The following FOXF2 variants were observed in gnomAD, a reference collection of about 807,000 sequenced individuals.
FOXF2 encodes forkhead box F2.
A neutral mutation model predicts 29.1 loss-of-function variants in FOXF2; 15 were observed. That is an observed-to-expected ratio of 0.52 (90% CI 0.35 to 0.79). The LOEUF is 0.79. FOXF2 is among the 30% of genes least tolerant of loss of function. The pLI, the probability that FOXF2 is intolerant of heterozygous loss-of-function variation, is 0.01. For missense variants in FOXF2, 675 were observed against 667.1 expected (o/e 1.01, Z -0.13); for synonymous variants, 337 against 316.5 (o/e 1.06, Z -0.69).
chr6:1,389,908 G>A lies in FOXF2; in HGVS notation c.-40G>A. On this transcript the variant is annotated 5_prime_UTR_variant, in exon 1 of 2. Transcript: ENST00000645481. Reference sequence around the variant, plus strand: ...CTCCGGCGCCTCCGCTTCCCGCCCGGGGCCCGCCCTCGCGGCCCGGCCTCG... The same window carrying A: ...CTCCGGCGCCTCCGCTTCCCGCCCGAGGCCCGCCCTCGCGGCCCGGCCTCG... 1 of 807,290 alleles carries A rather than the reference G, an allele frequency of 1.2e-6. No homozygotes were observed. Among genetic ancestry groups the A allele is most frequent in the African/African-American group, 1.9e-5 (1 of 53,244 alleles). 50.0% of individuals were successfully genotyped at this position (807,290 alleles called of 1,614,324 possible).
rs748256575 is a variant in FOXF2, at chr6:1,390,575, G to T, written c.628G>T (p.Val210Leu). The change falls in exon 1 of 2, where the codon GTG becomes TTG. Residue 210 changes from valine to leucine, a missense_variant. Coordinates refer to ENST00000645481, the MANE Select transcript of FOXF2 (RefSeq NM_001452.2). This position sits in a 1 kb window ranked among gnomAD's most constrained non-coding sequence, Gnocchi z 8.5. ...GGCGCTCAAGCCCATGTACCACCGC[G>T]TGGTGAGCGGCTTGGGCTTCGGGGC... ...CQALKPMYHR[V>L]VSGLGFGASL... is the part of the protein sequence containing the mutation. 12 of 1,601,020 alleles carry T rather than the reference G, an allele frequency of 7.5e-6. No individual in the cohort carries two copies. The highest frequency in any genetic ancestry group is 5.0e-5 in the Admixed American group (3 of 59,760).
chr6:1,389,898 T>A lies in FOXF2; in HGVS notation c.-50T>A. ...GCCGACCCCGCTCCGGCGCCTCCGC[T>A]TCCCGCCCGGGGCCCGCCCTCGCGG... On this transcript the variant is annotated 5_prime_UTR_variant, in exon 1 of 2. Coordinates refer to ENST00000645481, the MANE Select transcript of FOXF2 (RefSeq NM_001452.2). 1 of 727,304 alleles carries A rather than the reference T, an allele frequency of 1.4e-6. No homozygotes were observed. Among genetic ancestry groups the A allele is most frequent in the Non-Finnish European group, 1.7e-6 (1 of 596,638 alleles). 45.1% of individuals were successfully genotyped at this position (727,304 alleles called of 1,614,324 possible).
chr6:1,389,899 T>G lies in FOXF2; in HGVS notation c.-49T>G. On this transcript the variant is annotated 5_prime_UTR_variant, in exon 1 of 2. Transcript: ENST00000645481. ...CCGACCCCGCTCCGGCGCCTCCGCT[T>G]CCCGCCCGGGGCCCGCCCTCGCGGC... is the stretch of plus-strand genomic sequence containing the variant. 1.3e-6 allele frequency: 1 copy of G among 745,734 alleles called. No individual in the cohort carries two copies. Among genetic ancestry groups the G allele is most frequent in the East Asian group, 1.4e-4 (1 of 7,374 alleles). 46.2% of individuals were successfully genotyped at this position (745,734 alleles called of 1,614,324 possible).
In FOXF2 at chr6:1,390,198, G is replaced by T; in HGVS notation, c.251G>T (p.Gly84Val). The part of the protein sequence containing the change: ...KSAGGGGAGA[G>V]SGGAKKASSG... ...GCGGGCGGCGGCGGCGCGGGCGCCGGGAGCGGGGGCGCCAAGAAGGCGAGC... is the reference window on the plus strand; with the variant it reads ...GCGGGCGGCGGCGGCGCGGGCGCCGTGAGCGGGGGCGCCAAGAAGGCGAGC... The change falls in exon 1 of 2, where the codon GGG (glycine) becomes GTG (valine). Residue 84 changes from glycine (G) to valine (V), a missense_variant. Coordinates refer to ENST00000645481, the MANE Select transcript of FOXF2 (RefSeq NM_001452.2). The surrounding 1 kb of genome is among the most constrained non-coding windows in gnomAD (Gnocchi z 8.5). 1.3e-6 allele frequency: 2 copies of T among 1,488,862 alleles called. No individual in the cohort carries two copies. Among genetic ancestry groups the T allele is most frequent in the Non-Finnish European group, 1.8e-6 (2 of 1,123,420 alleles). The allele number at this position is 1,488,862 out of a possible 1,614,324, so 92.2% of individuals were successfully genotyped here.
intron 1 of FOXF2, among the ~76,000 whole-genome samples, chr6:1,393,979 G>A (rs1211398170): frequency 6.6e-6 from 1 of 152,236 alleles, no homozygotes; most frequent in Non-Finnish European, 1.5e-5. Flanking sequence ...CCAGCCTGGG[G>A]CTACCTCAGG....
rs1199560006 is a variant in FOXF2 at position 1,395,324 on chromosome 6, A to T, written c.*465A>T. On this transcript the variant is annotated 3_prime_UTR_variant, in exon 2 of 2. Coordinates refer to ENST00000645481, the MANE Select transcript of FOXF2 (RefSeq NM_001452.2). ...TGAGTGGGAGAGTCATTTTCCCCAG[A>T]CACTACATTTGGATACAGGTGCCAA... is the stretch of plus-strand genomic sequence containing the variant. 1 of 174,184 alleles carries T rather than the reference A, an allele frequency of 5.7e-6. No homozygotes were observed. The highest frequency in any genetic ancestry group is 1.2e-5 in the Non-Finnish European group (1 of 80,536). 10.8% of individuals were successfully genotyped at this position (174,184 alleles called of 1,614,324 possible).
At chr6:1,393,651 G>A (rs1039056265) in intron 1 of FOXF2, among the ~76,000 whole-genome samples, 1 of 152,156 alleles carries the variant, frequency 6.6e-6, no homozygotes, top group African/African-American at 2.4e-5. Flanking sequence ...CCGGCGGGCC[G>A]TGGTTACGGT....
Position 1,390,715 on chromosome 6 carries a change from C to T in FOXF2, c.768C>T (p.Gly256=), listed in dbSNP as rs1427433625. The change falls in exon 1 of 2, where the codon GGC becomes GGT. Residue 256 remains glycine, a synonymous_variant. Coordinates refer to ENST00000645481, the MANE Select transcript of FOXF2 (RefSeq NM_001452.2). This position sits in a 1 kb window ranked among gnomAD's most constrained non-coding sequence, Gnocchi z 8.5. The part of the protein sequence containing the change: ...LDMMPAGYDA[G]AGAPSHAHPH... The stretch of plus-strand genomic sequence containing the variant: ...TGATGCCCGCGGGCTACGACGCCGG[C>T]GCGGGCGCCCCCAGCCACGCGCACC... 13 of 1,444,692 alleles carry T rather than the reference C, an allele frequency of 9.0e-6. No homozygotes were observed. The highest frequency in any genetic ancestry group is 1.4e-5 in the South Asian group (1 of 69,702). The allele number at this position is 1,444,692 out of a possible 1,614,324, so 89.5% of individuals were successfully genotyped here.
intron 1 of FOXF2, among the ~76,000 whole-genome samples, chr6:1,393,017 G>T (rs998451463): frequency 1.3e-5 from 2 of 152,236 alleles, no homozygotes; most frequent in Non-Finnish European, 2.9e-5. Context: ...GGAGGCTTCG[G>T]AGGAGCCGGC....
chr6:1,392,741 T>G (rs1581263144), intron 1 of FOXF2, among the ~76,000 whole-genome samples: 2 of 152,170 alleles, frequency 1.3e-5, no homozygotes, highest in South Asian at 2.1e-4. Flanking sequence ...AACTTCGGAA[T>G]CTGGATACAT....
At position 1,389,908 on chromosome 6, in the gene FOXF2, G is replaced by C. The variant is rs1367035992; in HGVS notation, c.-40G>C. 8 of 807,182 alleles carry C rather than the reference G, an allele frequency of 9.9e-6. No homozygotes were observed. Among genetic ancestry groups the C allele is most frequent in the Admixed American group, 1.3e-4 (2 of 15,710 alleles). 50.0% of individuals were successfully genotyped at this position (807,182 alleles called of 1,614,324 possible). On this transcript the variant is annotated 5_prime_UTR_variant, in exon 1 of 2. Coordinates refer to ENST00000645481, the MANE Select transcript of FOXF2 (RefSeq NM_001452.2). The stretch of plus-strand genomic sequence containing the variant: ...CTCCGGCGCCTCCGCTTCCCGCCCG[G>C]GGCCCGCCCTCGCGGCCCGGCCTCG...
At chr6:1,392,391 G>T (rs541693536) in intron 1 of FOXF2, among the ~76,000 whole-genome samples, 2 of 149,792 alleles carry the variant, frequency 1.3e-5, no homozygotes, top group East Asian at 3.9e-4. Flanking sequence ...AATACAGGCG[G>T]CCTTCCCCTC....
intron 1 of FOXF2, among the ~76,000 whole-genome samples, chr6:1,393,922 G>A (rs756094965): frequency 2.2e-4 from 33 of 152,292 alleles, no homozygotes; most frequent in Non-Finnish European, 4.3e-4. Flanking sequence ...GCCGGGGACC[G>A]GGGAGCCGCC....
Position 1,390,235 on chromosome 6 carries a change from G to T in FOXF2, c.288G>T (p.Arg96=). 6.2e-7 allele frequency: 1 copy of T among 1,600,364 alleles called. No individual in the cohort carries two copies. ...GGAKKASSGL[R]RPEKPPYSYI... is the part of the protein sequence containing the mutation. Reference sequence around the variant, plus strand: ...CCAAGAAGGCGAGCTCGGGGCTGCGGCGGCCCGAGAAGCCGCCCTACTCGT... The same window carrying T: ...CCAAGAAGGCGAGCTCGGGGCTGCGTCGGCCCGAGAAGCCGCCCTACTCGT... The change falls in exon 1 of 2, where the codon CGG becomes CGT. Residue 96 remains arginine, a synonymous_variant. Transcript: ENST00000645481. The surrounding 1 kb of genome is among the most constrained non-coding windows in gnomAD (Gnocchi z 8.5).
Position 1,390,595 on chromosome 6 carries a change from C to T in FOXF2, c.648C>T (p.Phe216=), listed in dbSNP as rs1375757581. 7 of 1,596,412 alleles carry T rather than the reference C, an allele frequency of 4.4e-6. No homozygotes were observed. The highest frequency in any genetic ancestry group is 1.7e-4 in the Middle Eastern group (1 of 6,018). The change falls in exon 1 of 2, where the codon TTC becomes TTT. Residue 216 remains phenylalanine (F), a synonymous_variant. Transcript: ENST00000645481. The surrounding 1 kb of genome is among the most constrained non-coding windows in gnomAD (Gnocchi z 8.5). ...ACCGCGTGGTGAGCGGCTTGGGCTT[C>T]GGGGCGTCGCTGCTGCCCCAGGGCT... The part of the protein sequence containing the change: ...MYHRVVSGLG[F]GASLLPQGFD...
chr6:1,390,764 G>A lies in FOXF2; in HGVS notation c.817G>A (p.Val273Ile). 1 of 1,397,014 alleles carries A rather than the reference G, an allele frequency of 7.2e-7. No individual in the cohort carries two copies. The highest frequency in any genetic ancestry group is 1.6e-5 in the South Asian group (1 of 60,750). 86.5% of individuals were successfully genotyped at this position (1,397,014 alleles called of 1,614,324 possible). A position where few individuals can be genotyped will look rare whatever the true frequency, so the allele number is the denominator to read the frequency against. The change falls in exon 1 of 2, where the codon GTC becomes ATC. Residue 273 changes from valine to isoleucine, a missense_variant. Transcript: ENST00000645481. This position sits in a 1 kb window ranked among gnomAD's most constrained non-coding sequence, Gnocchi z 8.5. ...CCCTCACCACCACCACCACCACCACGTCCCGCACATGTCGCCCAACCCGGG... is the reference window on the plus strand; with the variant it reads ...CCCTCACCACCACCACCACCACCACATCCCGCACATGTCGCCCAACCCGGG... ...AHPHHHHHHH[V>I]PHMSPNPGST...
chr6:1,390,053 G>T lies in FOXF2; in HGVS notation c.106G>T (p.Ala36Ser). The T allele has an allele frequency of 7.3e-7, 1 of 1,374,162 alleles. No homozygotes were observed. Among genetic ancestry groups the T allele is most frequent in the Non-Finnish European group, 9.4e-7 (1 of 1,058,310 alleles). 85.1% of individuals were successfully genotyped at this position (1,374,162 alleles called of 1,614,324 possible). A position where few individuals can be genotyped will look rare whatever the true frequency, so the allele number is the denominator to read the frequency against. ...GATGAGCCCGCCGCCCGCCGCCGCCGCCGCCGCCGCCGCCGCCCCGGAGAC... is the reference window on the plus strand; with the variant it reads ...GATGAGCCCGCCGCCCGCCGCCGCCTCCGCCGCCGCCGCCGCCCCGGAGAC... ...ALMSPPPAAA[A>S]AAAAAPETTS... The change falls in exon 1 of 2, where the codon GCC becomes TCC. Residue 36 changes from alanine (A) to serine (S), a missense_variant. By Grantham distance (99) the Ala-to-Ser change is moderately conservative. Around this residue, in one of 3 missense-constraint regions of FOXF2, gnomAD observed 220 missense variants for 205.5 expected, o/e 1.07. Transcript: ENST00000645481. The surrounding 1 kb of genome is among the most constrained non-coding windows in gnomAD (Gnocchi z 8.5).
chr6:1,389,944 C>T lies in FOXF2; in HGVS notation c.-4C>T, dbSNP rs973545888. On this transcript the variant is annotated 5_prime_UTR_variant, in exon 1 of 2. Transcript: ENST00000645481. Reference sequence around the variant, plus strand: ...CGCGGCCCGGCCTCGCTCCCGGGTCCCAGATGACCACCGAGGGCGGGCCGC... The same window carrying T: ...CGCGGCCCGGCCTCGCTCCCGGGTCTCAGATGACCACCGAGGGCGGGCCGC... The T allele has an allele frequency of 1.4e-5, 14 of 987,726 alleles. No individual in the cohort carries two copies. The African/African-American group carries it at 2.1e-4, about 15-fold the overall frequency. The allele number at this position is 987,726 out of a possible 1,614,324, so 61.2% of individuals were successfully genotyped here.
Position 1,390,150 on chromosome 6 carries a change from C to T in FOXF2, c.203C>T (p.Ala68Val), listed in dbSNP as rs374633411. 3.7e-4 allele frequency: 542 copies of T among 1,456,872 alleles called. 3 individuals are homozygous for T. The African/African-American group carries it at 7.0e-3, about 19-fold the overall frequency. 90.2% of individuals were successfully genotyped at this position (1,456,872 alleles called of 1,614,324 possible). ...TCGTCCTCCTCCAATTCGGCCAGCG[C>T]CCCCTCGGCTGCCTGCAAGAGCGCG... ...SSSSSSNSAS[A>V]PSAACKSAGG... The change falls in exon 1 of 2, where the codon GCC becomes GTC. Residue 68 changes from alanine to valine, a missense_variant. Ala to Val is a moderately conservative substitution (Grantham distance 64). This residue lies in a region of FOXF2 where 220 missense variants were observed against 205.5 expected (regional missense o/e 1.07). Coordinates refer to ENST00000645481, the MANE Select transcript of FOXF2 (RefSeq NM_001452.2). This position sits in a 1 kb window ranked among gnomAD's most constrained non-coding sequence, Gnocchi z 8.5.
Sources: gnomAD v4.1 joint callset for allele counts (sites outside exome capture counted in the v4.1 genomes callset) on GRCh38, gnomAD v4.1.1 for gene constraint, gnomAD v4.1.1 regional missense constraint, Gnocchi (gnomAD v3.1) non-coding constraint, MANE v1.5 for transcripts, NCBI Gene and HGNC (gene_info 2026-07-23, HGNC 2026-07-21) for gene names.